The following TMEM163 variants were observed in gnomAD, a reference collection of about 807,000 sequenced individuals.
TMEM163 encodes transmembrane protein 163.
A neutral mutation model predicts 29.3 loss-of-function variants in TMEM163; 17 were observed. The observed-to-expected ratio is 0.58, with a 90% CI of 0.40 to 0.87. The LOEUF is 0.87. Ranked by LOEUF, TMEM163 falls within the 40% of genes least tolerant of loss-of-function variation. The probability of loss-of-function intolerance (pLI) is 0.00; values close to 1 mark genes in which losing one functional copy is unlikely to be tolerated. For synonymous variants in TMEM163, 157 were observed against 160.6 expected, an observed-to-expected ratio of 0.98 and a Z score of 0.17; for missense variants, 303 against 381.5, an observed-to-expected ratio of 0.79 and a Z score of 1.71.
At chr2:134,566,756 G>C (rs1364429339) in intron 2 of TMEM163, among the ~76,000 whole-genome samples, 1 of 152,102 alleles carries the variant, frequency 6.6e-6, no homozygotes, top group African/African-American at 2.4e-5. Context: ...CACAAATGCA[G>C]AAAGAATACA....
chr2:134,591,378 A>C (rs1681931034), intron 2 of TMEM163, among the ~76,000 whole-genome samples: 3 of 151,896 alleles, frequency 2.0e-5, no homozygotes, highest in African/African-American at 7.3e-5. Flanking sequence ...ACCAGAGGTC[A>C]CTCTTGTCAC....
chr2:134,488,377 G>A (rs1281226919), intron 5 of TMEM163, among the ~76,000 whole-genome samples: 1 of 152,202 alleles, frequency 6.6e-6, no homozygotes. Context: ...AGAAGAATGT[G>A]GAAGGAGTGA....
At chr2:134,604,327 G>C (rs1432385290) in intron 2 of TMEM163, among the ~76,000 whole-genome samples, 1 of 151,960 alleles carries the variant, frequency 6.6e-6, no homozygotes, top group Non-Finnish European at 1.5e-5. Flanking sequence ...GAATAGAGCA[G>C]GGAAAGACAA....
At chr2:134,649,988 G>C (rs1366449141) in intron 2 of TMEM163, among the ~76,000 whole-genome samples, 1 of 126,622 alleles carries the variant, frequency 7.9e-6, no homozygotes, top group Non-Finnish European at 1.6e-5. Context: ...CTGGGCAACA[G>C]AGTGAGACCC....
intron 4 of TMEM163, among the ~76,000 whole-genome samples, chr2:134,544,079 C>A (rs765641537): frequency 2.0e-5 from 3 of 152,162 alleles, no homozygotes; most frequent in Non-Finnish European, 2.9e-5. Flanking sequence ...CTCCACACAG[C>A]CCCACCTGTA....
rs1045296710 is a variant in TMEM163, at chr2:134,456,649, A to T, written c.*67T>A. Reference sequence around the variant, plus strand: ...AAAAAGAAACCAGATGTTCAGTTAAATATTGGCACCCTTTGCCTATGTGGA... The same window carrying T: ...AAAAAGAAACCAGATGTTCAGTTAATTATTGGCACCCTTTGCCTATGTGGA... On this transcript the variant is annotated 3_prime_UTR_variant, in exon 8 of 8. Coordinates refer to ENST00000281924, the MANE Select transcript of TMEM163 (RefSeq NM_030923.5). The T allele has an allele frequency of 6.4e-7, 1 of 1,567,440 alleles. No homozygotes were observed. The highest frequency in any genetic ancestry group is 1.4e-5 in the African/African-American group (1 of 73,836).
intron 4 of TMEM163, among the ~76,000 whole-genome samples, chr2:134,537,369 G>A (rs184313120): frequency 1.3e-3 from 200 of 152,256 alleles, no homozygotes; most frequent in African/African-American, 3.6e-3. Context: ...GTGCCAGCAC[G>A]GTCAGATTCT....
At chr2:134,483,790 G>A (rs1396160254) in intron 5 of TMEM163, among the ~76,000 whole-genome samples, 1 of 152,160 alleles carries the variant, frequency 6.6e-6, no homozygotes, top group Admixed American at 6.5e-5. Flanking sequence ...TGATGGCCCT[G>A]CATTTGAACA....
In TMEM163 at chr2:134,598,746, G is replaced by A. The variant is rs191465099; in HGVS notation, c.323-46655C>T. Among the ~76,000 whole-genome samples, 366 of 151,762 alleles carry A rather than the reference G, an allele frequency of 2.4e-3. 6 individuals are homozygous for A. The highest frequency in any genetic ancestry group is 0.018 in the Admixed American group (280 of 15,252). ...AGCCTGGCCAACATGGTGAAACCCCGTCTCTACTAAAAAAATACAAAAAAT... is the reference window on the plus strand; with the variant it reads ...AGCCTGGCCAACATGGTGAAACCCCATCTCTACTAAAAAAATACAAAAAAT... On this transcript the variant is annotated intron_variant, in intron 2 of 7. Transcript: ENST00000281924.
At chr2:134,633,966 C>CATATATATATAT (rs535811215) in intron 2 of TMEM163, among the ~76,000 whole-genome samples, 3 of 37,888 alleles carry the variant, frequency 7.9e-5, no homozygotes, top group Non-Finnish European at 1.6e-4. Context: ...AAAAAAAATA[C>CATATATATATAT]ATATATATAT....
chr2:134,559,568 G>C (rs545776875), intron 2 of TMEM163, among the ~76,000 whole-genome samples: 1 of 152,230 alleles, frequency 6.6e-6, no homozygotes, highest in Admixed American at 6.5e-5. Context: ...CCTGTCTGGA[G>C]AGCAAGTGTT....
intron 6 of TMEM163, among the ~76,000 whole-genome samples, chr2:134,463,434 T>C (rs1199283322): frequency 1.3e-5 from 2 of 152,198 alleles, no homozygotes; most frequent in African/African-American, 4.8e-5. Flanking sequence ...GTGAACTCCC[T>C]ACCCCAAATC....
chr2:134,467,550 C>T (rs970068095), intron 5 of TMEM163: 3 of 152,174 alleles, frequency 2.0e-5, no homozygotes, highest in Admixed American at 2.0e-4. Flanking sequence ...CAAACCCAAA[C>T]GGAGGGACCG....
At chr2:134,674,512 ACCATATCTGG>A (rs1684069390) in intron 2 of TMEM163, among the ~76,000 whole-genome samples, 3 of 30,296 alleles carry the variant, frequency 9.9e-5, no homozygotes, top group African/African-American at 7.4e-4. Flanking sequence ...CGCGCGCGCT[ACCATATCTGG>A]CTAATTTTTT....
Position 134,567,168 on chromosome 2 carries a change from A to G in TMEM163, c.323-15077T>C, listed in dbSNP as rs536460415. ...TCTGCACGTATTTCTGAGGCGGGAG[A>G]TAGGGGTTCATGCTCCACAACCAAA... On this transcript the variant is annotated intron_variant, in intron 2 of 7. Transcript: ENST00000281924. Among the ~76,000 whole-genome samples, 8 of 152,008 alleles carry G rather than the reference A, an allele frequency of 5.3e-5. No individual in the cohort carries two copies. The South Asian group carries it at 1.7e-3, about 32-fold the overall frequency.
At chr2:134,548,287 CA>C (rs1354392368) in intron 4 of TMEM163, among the ~76,000 whole-genome samples, 2 of 151,906 alleles carry the variant, frequency 1.3e-5, no homozygotes, top group African/African-American at 4.8e-5. Context: ...ATGTAATGAA[CA>C]TTTTTTTAAC....
intron 4 of TMEM163, among the ~76,000 whole-genome samples, chr2:134,511,257 C>A (rs1399578448): frequency 6.6e-6 from 1 of 152,004 alleles, no homozygotes; most frequent in African/African-American, 2.4e-5. Context: ...CTGCAGCCAC[C>A]TGGGGACGAG....
intron 2 of TMEM163, among the ~76,000 whole-genome samples, chr2:134,598,089 GT>G (rs1206479205): frequency 6.6e-6 from 1 of 152,096 alleles, no homozygotes; most frequent in Non-Finnish European, 1.5e-5. Flanking sequence ...GTTTTGAAGG[GT>G]TTTTTGTGTG....
chr2:134,533,360 T>TGTGTGTGTGTGTGTAC (rs139961822), intron 4 of TMEM163, among the ~76,000 whole-genome samples: 6 of 152,242 alleles, frequency 3.9e-5, no homozygotes, highest in African/African-American at 1.4e-4. Context: ...TGTTTGTGTG[T>TGTGTGTGTGTGTGTAC]GTGCACGTGC....
Sources: gnomAD v4.1 joint callset for allele counts (sites outside exome capture counted in the v4.1 genomes callset) on GRCh38, gnomAD v4.1.1 for gene constraint, MANE v1.5 for transcripts, NCBI Gene and HGNC (gene_info 2026-07-23, HGNC 2026-07-21) for gene names.